Variants in SPMIP7 observed in about 807,000 individuals in gnomAD.
The protein encoded by SPMIP7 is sperm microtubule inner protein 7, also known as protein SPMIP7.
the SPMIP7 span, among the ~76,000 whole-genome samples, chr7:50,119,652 C>T: frequency 2.0e-5 from 3 of 152,204 alleles, no homozygotes; most frequent in African/African-American, 7.2e-5. Flanking sequence ...GACATGACTG[C>T]TACTTGCTTT....
At chr7:50,155,862 T>TGTCATCCATGGCC in the SPMIP7 span, among the ~76,000 whole-genome samples, 7 of 152,346 alleles carry the variant, frequency 4.6e-5, 1 homozygote, top group Non-Finnish European at 1.0e-4. Flanking sequence ...CACATACAGC[T>TGTCATCCATGGCC]CTCATCCATG....
the SPMIP7 span, among the ~76,000 whole-genome samples, chr7:50,110,708 AATATATTGCATATATTATATTAAATATT>A: frequency 4.7e-5 from 5 of 106,472 alleles, no homozygotes; most frequent in African/African-American, 1.8e-4. Context: ...ATTATTATAT[AATATATTGCATATATTATATTAAATATT>A]ATATATAAAT....
At chr7:50,129,707 T>C in the SPMIP7 span, 31 of 1,528,190 alleles carry the variant, frequency 2.0e-5, no homozygotes, top group South Asian at 3.3e-4. Flanking sequence ...TTATTTTTCA[T>C]GCCTTCTAGG....
the SPMIP7 span, among the ~76,000 whole-genome samples, chr7:50,125,094 G>GTGTATATATATATATATA: frequency 1.4e-5 from 1 of 73,812 alleles, no homozygotes; most frequent in East Asian, 3.8e-4. Flanking sequence ...GTGAGATTAA[G>GTGTATATATATATATATA]TATATATATA....
At chr7:50,126,308 A>G in the SPMIP7 span, among the ~76,000 whole-genome samples, 1 of 152,046 alleles carries the variant, frequency 6.6e-6, no homozygotes, top group African/African-American at 2.4e-5. Context: ...GAAATGAATA[A>G]AATCTTTAAA....
chr7:50,129,874 T>G, the SPMIP7 span: 4 of 851,456 alleles, frequency 4.7e-6, no homozygotes, highest in Non-Finnish European at 7.6e-6. Context: ...ATGTCTATAA[T>G]ATCCTGGATC....
At chr7:50,159,102 G>T in the SPMIP7 span, 1 of 1,551,852 alleles carries the variant, frequency 6.4e-7, no homozygotes, top group South Asian at 1.2e-5. Context: ...CCCCTGTCTC[G>T]ACTGGTCACA....
the SPMIP7 span, among the ~76,000 whole-genome samples, chr7:50,114,386 C>T: frequency 6.6e-6 from 1 of 151,972 alleles, no homozygotes; most frequent in African/African-American, 2.4e-5. Flanking sequence ...AGAAAATGAG[C>T]ATATGCTGTT....
the SPMIP7 span, among the ~76,000 whole-genome samples, chr7:50,125,068 CA>C: frequency 2.1e-4 from 29 of 136,098 alleles, 1 homozygote; most frequent in African/African-American, 7.5e-4. Context: ...CACTGCACTC[CA>C]GCCTAGGCGA....
chr7:50,136,434 G>A, the SPMIP7 span, among the ~76,000 whole-genome samples: 10 of 132,880 alleles, frequency 7.5e-5, no homozygotes, highest in Non-Finnish European at 1.6e-5. Context: ...GGGAGGCTGA[G>A]GCAGGAGAAC....
chr7:50,101,447 C>A, the SPMIP7 span, among the ~76,000 whole-genome samples: 1 of 152,144 alleles, frequency 6.6e-6, no homozygotes, highest in East Asian at 1.9e-4. Context: ...TGTGAAAGAA[C>A]CACCCCCAAC....
At chr7:50,113,045 T>C in the SPMIP7 span, among the ~76,000 whole-genome samples, 1 of 151,960 alleles carries the variant, frequency 6.6e-6, no homozygotes, top group Admixed American at 6.6e-5. Flanking sequence ...GGGAACGTTT[T>C]ATGTCCCCAC....
At chr7:50,149,604 GT>G in the SPMIP7 span, among the ~76,000 whole-genome samples, 1 of 152,174 alleles carries the variant, frequency 6.6e-6, no homozygotes, top group Admixed American at 6.5e-5. Flanking sequence ...TATTTTCCTA[GT>G]CTCACAAAAT....
the SPMIP7 span, among the ~76,000 whole-genome samples, chr7:50,114,072 A>G: frequency 1.8e-4 from 27 of 152,162 alleles, no homozygotes; most frequent in Non-Finnish European, 5.9e-5. Context: ...CAATAAAAAT[A>G]TTTAAAATTA....
At chr7:50,132,124 T>C in the SPMIP7 span, among the ~76,000 whole-genome samples, 2 of 152,116 alleles carry the variant, frequency 1.3e-5, no homozygotes, top group Non-Finnish European at 2.9e-5. Context: ...CTCAAAGTAT[T>C]AGAACAACAT....
At chr7:50,151,372 G>C in the SPMIP7 span, 1 of 1,086,268 alleles carries the variant, frequency 9.2e-7, no homozygotes, top group Non-Finnish European at 1.3e-6. Flanking sequence ...TTCATATTTG[G>C]GTGCTAGTTA....
At chr7:50,129,746 C>G in the SPMIP7 span, 1 of 1,548,502 alleles carries the variant, frequency 6.5e-7, no homozygotes, top group Non-Finnish European at 8.7e-7. Flanking sequence ...TTCAAACAAA[C>G]AAGAAATGTA....
At chr7:50,151,484 C>A in the SPMIP7 span, 1 of 1,551,500 alleles carries the variant, frequency 6.4e-7, no homozygotes, top group Non-Finnish European at 8.7e-7. Flanking sequence ...CGGCAAGGTT[C>A]ATTTCACAGC....
At chr7:50,125,094 G>GTATATATATATATATATATATATA in the SPMIP7 span, among the ~76,000 whole-genome samples, 146 of 73,772 alleles carry the variant, frequency 2.0e-3, 3 homozygotes, top group African/African-American at 4.7e-3. Flanking sequence ...GTGAGATTAA[G>GTATATATATATATATATATATATA]TATATATATA....
Sources: allele counts gnomAD v4.1 joint callset (sites outside exome capture counted in the v4.1 genomes callset), GRCh38; gene constraint gnomAD v4.1.1; transcripts MANE v1.5; gene names NCBI Gene and HGNC (gene_info 2026-07-23, HGNC 2026-07-21).